Variants in BTBD9 observed in about 807,000 individuals in gnomAD.
The protein encoded by BTBD9 is BTB/POZ domain-containing protein 9.
Under a neutral mutation model 64.3 loss-of-function variants are expected in BTBD9, and 49 were observed. That is an observed-to-expected ratio of 0.76 (90% confidence interval 0.61 to 0.97). The LOEUF (loss-of-function observed/expected upper bound fraction) is 0.97, where lower values mean the gene tolerates loss of function less well. BTBD9 is among the 50% of genes least tolerant of loss of function. The pLI is 0.00. For synonymous variants in BTBD9, 260 were observed against 274.7 expected (o/e 0.95, Z 0.53); for missense variants, 598 against 762.1 (o/e 0.78, Z 2.53).
At chr6:38,273,975 G>T (rs1487117083) in intron 8 of BTBD9, among the ~76,000 whole-genome samples, 17 of 152,228 alleles carry the variant, frequency 1.1e-4, no homozygotes. Context: ...TTCTGAGCCT[G>T]CTCTGAGTGC....
chr6:38,256,053 GA>G (rs1414203146), intron 9 of BTBD9, among the ~76,000 whole-genome samples: 1 of 150,312 alleles, frequency 6.7e-6, no homozygotes, highest in East Asian at 1.9e-4. Context: ...ATGTACCCTA[GA>G]ACTTAAAAGT....
At chr6:38,347,814 C>A (rs775726877) in intron 6 of BTBD9, among the ~76,000 whole-genome samples, 1 of 152,026 alleles carries the variant, frequency 6.6e-6, no homozygotes, top group African/African-American at 2.4e-5. Flanking sequence ...CTGGCTAACA[C>A]GGTGAAACCC....
In BTBD9 at chr6:38,173,835, G is replaced by C. The variant is rs533641795; in HGVS notation, c.*1150C>G. The C allele has an allele frequency of 2.0e-5, 3 of 152,304 alleles. No homozygotes were observed. Among genetic ancestry groups the C allele is most frequent in the African/African-American group, 7.2e-5 (3 of 41,456 alleles). 9.4% of individuals were successfully genotyped at this position (152,304 alleles called of 1,614,324 possible). A position where few individuals can be genotyped will look rare whatever the true frequency, so the allele number is the denominator to read the frequency against. On this transcript the variant is annotated 3_prime_UTR_variant, in exon 11 of 11. Transcript: ENST00000481247. ...ATGTTGTGCGCAGTTACCCAGGGCA[G>C]GCAGCACTGGAATGGAAATCACTAA...
rs564846327 is a variant in BTBD9 at position 38,545,562 on chromosome 6, G to T, written c.1154+32038C>A. On this transcript the variant is annotated intron_variant, in intron 6 of 10. Coordinates refer to ENST00000481247, the MANE Select transcript of BTBD9 (RefSeq NM_001099272.2). Reference sequence around the variant, plus strand: ...TGGGAGGCGGAGGTGGGCAAATCACGAGGTCAGGAGATCGAGACCATCCTG... The same window carrying T: ...TGGGAGGCGGAGGTGGGCAAATCACTAGGTCAGGAGATCGAGACCATCCTG... 2.0e-5 allele frequency among the ~76,000 whole-genome samples: 3 copies of T among 152,006 alleles called. No homozygotes were observed. In the East Asian group the frequency reaches 5.9e-4, roughly 30 times the overall value.
intron 1 of BTBD9, among the ~76,000 whole-genome samples, chr6:38,624,254 G>A (rs1312434970): frequency 6.6e-6 from 1 of 152,172 alleles, no homozygotes; most frequent in East Asian, 1.9e-4. Flanking sequence ...CATGGGAAGG[G>A]ACAATAAGCG....
At chr6:38,324,498 G>A (rs1763346972) in intron 7 of BTBD9, among the ~76,000 whole-genome samples, 1 of 152,156 alleles carries the variant, frequency 6.6e-6, no homozygotes, top group Admixed American at 6.5e-5. Context: ...GAAGTGTGGA[G>A]AAGGATGAGA....
Position 38,427,699 on chromosome 6 carries a change from A to G in BTBD9, c.1155-82606T>C, listed in dbSNP as rs965111002. On this transcript the variant is annotated intron_variant, in intron 6 of 10. Coordinates refer to ENST00000481247, the MANE Select transcript of BTBD9 (RefSeq NM_001099272.2). ...TCAACAATCAAGATAATTATAGGTA[A>G]TGGAGAACTAACAAAAAGAAGAGAA... Among the ~76,000 whole-genome samples the G allele has an allele frequency of 3.9e-5, 6 of 152,032 alleles. 1 individual carries two copies. The highest frequency in any genetic ancestry group is 1.5e-4 in the African/African-American group (6 of 41,256).
intron 6 of BTBD9, among the ~76,000 whole-genome samples, chr6:38,376,380 G>A (rs1261852538): frequency 2.6e-5 from 4 of 151,758 alleles, no homozygotes; most frequent in Non-Finnish European, 5.9e-5. Context: ...TAGGAAACAG[G>A]GAATTGAGAA....
intron 6 of BTBD9, among the ~76,000 whole-genome samples, chr6:38,448,702 G>A (rs1227666968): frequency 1.3e-5 from 2 of 152,158 alleles, no homozygotes; most frequent in Non-Finnish European, 2.9e-5. Context: ...ACTTTTAGTA[G>A]AGACGGGGTT....
intron 6 of BTBD9, among the ~76,000 whole-genome samples, chr6:38,575,265 C>A (rs1775974062): frequency 6.6e-6 from 1 of 152,092 alleles, no homozygotes; most frequent in Non-Finnish European, 1.5e-5. Flanking sequence ...ACCATGAAAC[C>A]TGTGCTAACA....
chr6:38,482,387 G>C (rs1582504105), intron 6 of BTBD9: 2 of 151,632 alleles, frequency 1.3e-5, no homozygotes, highest in East Asian at 3.9e-4. Flanking sequence ...ATGGTAGTGA[G>C]GTGTGAGGTG....
intron 6 of BTBD9, among the ~76,000 whole-genome samples, chr6:38,354,913 G>C (rs370555533): frequency 1.3e-5 from 2 of 150,870 alleles, no homozygotes; most frequent in African/African-American, 5.0e-5. Flanking sequence ...GAGAGACAGA[G>C]AGAAAGAGAG....
At chr6:38,408,362 A>AAAAC (rs10686224) in intron 6 of BTBD9, among the ~76,000 whole-genome samples, 63,936 of 151,582 alleles carry the variant, frequency 0.42, 17,083 homozygotes, top group East Asian at 0.95. Flanking sequence ...TAAACAAAAC[A>AAAAC]AAACAAAACC....
At position 38,231,493 on chromosome 6, in the gene BTBD9, A is replaced by G. The variant is rs11969307; in HGVS notation, c.1562+24916T>C. Among the ~76,000 whole-genome samples, 548 of 152,332 alleles carry G rather than the reference A, an allele frequency of 3.6e-3. 3 individuals carry two copies. Among genetic ancestry groups the G allele is most frequent in the African/African-American group, 0.013 (535 of 41,566 alleles). ...ATGTCTCTAACTCCTTCATTTATATATAATTTTGCCCAATATAACATTAAG... is the reference window on the plus strand; with the variant it reads ...ATGTCTCTAACTCCTTCATTTATATGTAATTTTGCCCAATATAACATTAAG... On this transcript the variant is annotated intron_variant, in intron 9 of 10. Coordinates refer to ENST00000481247, the MANE Select transcript of BTBD9 (RefSeq NM_001099272.2).
chr6:38,357,067 A>G (rs1236249857), intron 6 of BTBD9, among the ~76,000 whole-genome samples: 1 of 152,112 alleles, frequency 6.6e-6, no homozygotes. Context: ...TTTTAGAGAC[A>G]CTCTGTTTTA....
chr6:38,472,490 C>A (rs1770692978), intron 6 of BTBD9, among the ~76,000 whole-genome samples: 1 of 151,962 alleles, frequency 6.6e-6, no homozygotes, highest in Non-Finnish European at 1.5e-5. Flanking sequence ...ATAGAAAGGT[C>A]CCCAAGCAGC....
chr6:38,199,250 C>G (rs1452251533), intron 9 of BTBD9, among the ~76,000 whole-genome samples: 1 of 151,978 alleles, frequency 6.6e-6, no homozygotes, highest in Admixed American at 6.6e-5. Flanking sequence ...ATGGTGAGAC[C>G]CCCCCAGTTC....
Position 38,301,770 on chromosome 6 carries a change from C to T in BTBD9, c.1265-13309G>A, listed in dbSNP as rs10947727. ...TCTCTTTTCTTCTATATTAGTCTTG[C>T]TAGCAGTCTATCAATTTTGTTGAGC... On this transcript the variant is annotated intron_variant, in intron 7 of 10. Coordinates refer to ENST00000481247, the MANE Select transcript of BTBD9 (RefSeq NM_001099272.2). Among the ~76,000 whole-genome samples the T allele has an allele frequency of 4.2e-3, 640 of 152,200 alleles. 35 individuals carry two copies. In the East Asian group the frequency reaches 0.11, roughly 27 times the overall value.
rs147321933 is a variant in BTBD9, at chr6:38,581,048, C to T, written c.815-611G>A. Among the ~76,000 whole-genome samples, 544 of 152,248 alleles carry T rather than the reference C, an allele frequency of 3.6e-3. 4 individuals are homozygous for T. The highest frequency in any genetic ancestry group is 0.012 in the African/African-American group (504 of 41,542). ...TCTCAACTAACAATACAAAATTAGC[C>T]AGGCGTGGTGGCACATGCCTATAAT... On this transcript the variant is annotated intron_variant, in intron 4 of 10. Coordinates refer to ENST00000481247, the MANE Select transcript of BTBD9 (RefSeq NM_001099272.2).
Sources: gnomAD v4.1 joint callset for allele counts (sites outside exome capture counted in the v4.1 genomes callset) on GRCh38, gnomAD v4.1.1 for gene constraint, MANE v1.5 for transcripts, NCBI Gene and HGNC (gene_info 2026-07-23, HGNC 2026-07-21) for gene names.